SRFBP1: variants seen among roughly 807,000 people sequenced by gnomAD.
SRFBP1 encodes serum response factor binding protein 1.
SRFBP1 carries 47 observed loss-of-function variants against 45.5 expected under a neutral mutation model. The observed-to-expected ratio is 1.03, with a 90% CI of 0.82 to 1.32. The LOEUF (loss-of-function observed/expected upper bound fraction) is 1.32, where lower values mean the gene tolerates loss of function less well. SRFBP1 is among the 40% of genes most tolerant of loss of function. The pLI, the probability that SRFBP1 is intolerant of heterozygous loss-of-function variation, is 0.00. For synonymous variants in SRFBP1, 203 were observed against 166.3 expected, an observed-to-expected ratio of 1.22 and a Z score of -1.70; for missense variants, 621 against 484.6, an observed-to-expected ratio of 1.28 and a Z score of -2.64.
At chr5:122,044,869 C>G (rs547048671) in intron 2 of SRFBP1, among the ~76,000 whole-genome samples, 3 of 152,088 alleles carry the variant, frequency 2.0e-5, no homozygotes, top group Non-Finnish European at 4.4e-5. Flanking sequence ...TTAACTAGGT[C>G]CTACTTGTCA....
chr5:122,075,128 A>C (rs930358622), intron 2 of SRFBP1, among the ~76,000 whole-genome samples: 3 of 152,260 alleles, frequency 2.0e-5, no homozygotes, highest in African/African-American at 7.2e-5. Context: ...CTTTTAAAGA[A>C]ATCCTATCTG....
intron 4 of SRFBP1, 92 bp downstream of exon 4, chr5:121,994,762 A>G (rs1050003429): frequency 5.0e-6 from 4 of 804,990 alleles, no homozygotes; most frequent in South Asian, 2.1e-5. Flanking sequence ...CCAAGAAGTC[A>G]TGCTATTAGT....
intron 3 of SRFBP1, among the ~76,000 whole-genome samples, chr5:121,983,050 A>G (rs1752444155): frequency 6.6e-6 from 1 of 151,770 alleles, no homozygotes; most frequent in African/African-American, 2.4e-5. Context: ...ATATTACAAC[A>G]TATTTTGTTG....
At chr5:121,991,724 A>G (rs1752625609) in intron 3 of SRFBP1, among the ~76,000 whole-genome samples, 1 of 152,180 alleles carries the variant, frequency 6.6e-6, no homozygotes, top group East Asian at 1.9e-4. Flanking sequence ...ATAGTACCTG[A>G]CAATTCCAGT....
intron 2 of SRFBP1, among the ~76,000 whole-genome samples, chr5:122,047,064 G>A (rs1354411019): frequency 6.6e-6 from 1 of 152,142 alleles, no homozygotes; most frequent in African/African-American, 2.4e-5. Flanking sequence ...GATCCCATTT[G>A]TCAATTTTGG....
chr5:122,007,041 C>CT (rs1752990412), intron 4 of SRFBP1, among the ~76,000 whole-genome samples: 1 of 152,050 alleles, frequency 6.6e-6, no homozygotes, highest in Non-Finnish European at 1.5e-5. Context: ...TGTTTGCATA[C>CT]TTGCTTTGTC....
At chr5:122,071,049 C>CT (rs1300243897) in intron 2 of SRFBP1, among the ~76,000 whole-genome samples, 1 of 148,754 alleles carries the variant, frequency 6.7e-6, no homozygotes, top group African/African-American at 2.5e-5. Flanking sequence ...GTGTTTATCC[C>CT]TTTTTGCTCT....
chr5:122,055,195 C>T (rs1239829824), intron 2 of SRFBP1, among the ~76,000 whole-genome samples: 1 of 152,184 alleles, frequency 6.6e-6, no homozygotes, highest in African/African-American at 2.4e-5. Flanking sequence ...CTCATGATGC[C>T]TTCTTGCTGA....
At chr5:122,044,151 T>G (rs1277570790) in intron 2 of SRFBP1, among the ~76,000 whole-genome samples, 2 of 152,198 alleles carry the variant, frequency 1.3e-5, no homozygotes, top group African/African-American at 2.4e-5. Flanking sequence ...GATAATGGCC[T>G]CCAGCTCCAT....
At chr5:122,055,968 A>G (rs1460001335) in intron 2 of SRFBP1, among the ~76,000 whole-genome samples, 3 of 152,114 alleles carry the variant, frequency 2.0e-5, no homozygotes, top group Middle Eastern at 3.2e-3. Context: ...CTTCATCTTT[A>G]TTTAAGGTAT....
rs759603629 is a variant in SRFBP1, at chr5:121,982,246, T to TA, written c.198+6860dup. On this transcript the variant is annotated intron_variant, in intron 3 of 7. Coordinates refer to ENST00000339397, the MANE Select transcript of SRFBP1 (RefSeq NM_152546.3). ...GATGCCCTGGTTTGTTAGCCTTCTG[T>TA]ACTTAACTGTGACCTTTAAAATTAT... 5.3e-5 allele frequency among the ~76,000 whole-genome samples: 8 copies of TA among 152,066 alleles called. 1 individual carries two copies. The highest frequency in any genetic ancestry group is 1.3e-4 in the Admixed American group (2 of 15,236).
intron 3 of SRFBP1, among the ~76,000 whole-genome samples, chr5:121,978,426 T>A (rs1012643367): frequency 6.6e-6 from 1 of 152,192 alleles, no homozygotes; most frequent in Non-Finnish European, 1.5e-5. Flanking sequence ...GACTGAAAGA[T>A]GTGCAACGTG....
intron 2 of SRFBP1, among the ~76,000 whole-genome samples, chr5:122,042,971 C>T (rs978575608): frequency 6.6e-6 from 1 of 152,050 alleles, no homozygotes. Flanking sequence ...ATTTTAATTA[C>T]TATAGATTAT....
downstream of SRFBP1, among the ~76,000 whole-genome samples, chr5:122,032,140 GAT>G (rs890995159): frequency 6.6e-6 from 1 of 152,090 alleles, no homozygotes; most frequent in African/African-American, 2.4e-5. Context: ...AATTTAAAAA[GAT>G]ATATATAAAG....
Position 121,994,658 on chromosome 5 carries a change from A to C in SRFBP1, c.258A>C (p.Lys86Asn). The change falls in exon 4 of 8, where the codon AAA (lysine) becomes AAC (asparagine). Residue 86 changes from lysine to asparagine, a missense_variant. By Grantham distance (94) the Lys-to-Asn change is moderately conservative (BLOSUM62 0). Transcript: ENST00000339397. ...TTGGTGATGATATCAACTTTGAAAAAATCTTCAAAAAGGTATATCTGCAAT... is the reference window on the plus strand; with the variant it reads ...TTGGTGATGATATCAACTTTGAAAACATCTTCAAAAAGGTATATCTGCAAT... ...SALGDDINFEKIFKKPDSTAT... is the reference protein window; with the variant it reads ...SALGDDINFENIFKKPDSTAT... 1 of 1,592,118 alleles carries C rather than the reference A, an allele frequency of 6.3e-7. No individual in the cohort carries two copies.
At chr5:122,037,032 G>T (rs1455244989) in intron 2 of SRFBP1, among the ~76,000 whole-genome samples, 16 of 152,050 alleles carry the variant, frequency 1.1e-4, no homozygotes, top group African/African-American at 3.6e-4. Context: ...CCGAGTAGCT[G>T]GGATTACAGG....
chr5:121,964,218 T>G (rs1580493176), intron 1 of SRFBP1, among the ~76,000 whole-genome samples: 3 of 152,290 alleles, frequency 2.0e-5, no homozygotes, highest in Admixed American at 2.0e-4. Context: ...ATGTATACTT[T>G]AAGTTCTGGG....
chr5:122,004,176 C>T (rs1252893741), intron 4 of SRFBP1, among the ~76,000 whole-genome samples: 3 of 152,040 alleles, frequency 2.0e-5, no homozygotes, highest in African/African-American at 7.2e-5. Flanking sequence ...TTCTTGGGTT[C>T]CTTTAATAAG....
chr5:121,991,836 T>C (rs949460337), intron 3 of SRFBP1, among the ~76,000 whole-genome samples: 10 of 152,114 alleles, frequency 6.6e-5, no homozygotes, highest in Non-Finnish European at 1.2e-4. Context: ...ATGACACATA[T>C]AGCTGTATTT....
Sources: gnomAD v4.1 joint callset for allele counts (sites outside exome capture counted in the v4.1 genomes callset) on GRCh38, gnomAD v4.1.1 for gene constraint, MANE v1.5 for transcripts, NCBI Gene and HGNC (gene_info 2026-07-23, HGNC 2026-07-21) for gene names.